GABRA2: variants seen among roughly 807,000 people sequenced by gnomAD.
GABRA2 encodes the protein gamma-aminobutyric acid receptor subunit alpha-2.
In GABRA2, 16 loss-of-function variants were observed where a neutral mutation model predicts 48.7. That is an observed-to-expected ratio of 0.33 (90% CI 0.22 to 0.50). The LOEUF is 0.50. Ranked by LOEUF, GABRA2 falls within the 20% of genes least tolerant of loss-of-function variation. The probability of loss-of-function intolerance (pLI) is 0.98; values close to 1 mark genes in which losing one functional copy is unlikely to be tolerated. For missense variants in GABRA2, 275 were observed against 535.6 expected (o/e 0.51, Z 4.80); for synonymous variants, 185 against 184.5 (o/e 1.00, Z -0.02).
At position 46,310,163 on chromosome 4, in the gene GABRA2, CT is replaced by C. The variant is rs753721079; in HGVS notation, c.559+9del. 6.2e-7 allele frequency: 1 copy of C among 1,605,282 alleles called. No homozygotes were observed. Among genetic ancestry groups the C allele is most frequent in the Non-Finnish European group, 8.5e-7 (1 of 1,172,330 alleles). On this transcript the variant is annotated intron_variant, in intron 6 of 9. Transcript: ENST00000381620. Reference sequence around the variant, plus strand: ...TGACCCAAAACATGTAACTTCATCCCTGTACTTACAGCTGCCAAATTTCAGA... The same window carrying C: ...TGACCCAAAACATGTAACTTCATCCCGTACTTACAGCTGCCAAATTTCAGA...
chr4:46,303,679 G>T, intron 7 of GABRA2, 67 bp from the exon 8 acceptor site: 1 of 1,389,474 alleles, frequency 7.2e-7, no homozygotes, highest in African/African-American at 1.4e-5. Flanking sequence ...GAAATAGAAG[G>T]GATCAGAGGT....
intron 8 of GABRA2, among the ~76,000 whole-genome samples, chr4:46,265,008 A>ATATATATATATATATATATATATAAAG (rs1717825404): frequency 1.7e-5 from 1 of 58,000 alleles, no homozygotes; most frequent in Non-Finnish European, 4.1e-5. Flanking sequence ...TATATGTATA[A>ATATATATATATATATATATATATAAAG]AGAGAGAGAG....
chr4:46,374,375 A>G (rs1304501935), intron 3 of GABRA2, among the ~76,000 whole-genome samples: 1 of 152,140 alleles, frequency 6.6e-6, no homozygotes, highest in Non-Finnish European at 1.5e-5. Flanking sequence ...ACCTAATTCT[A>G]AAAGCATCTG....
rs1366550228 is a variant in GABRA2 at position 46,378,064 on chromosome 4, G to A, written c.187+8010C>T. Among the ~76,000 whole-genome samples, 6 of 151,776 alleles carry A rather than the reference G, an allele frequency of 4.0e-5. No homozygotes were observed. In the East Asian group the frequency reaches 5.9e-4, roughly 15 times the overall value. ...GTTCAGCCCCCCCACCCGGCCAGCC[G>A]CCCCATCAGGGAGGTGAGGGGCGCC... On this transcript the variant is annotated intron_variant, in intron 3 of 9. Transcript: ENST00000381620.
chr4:46,294,923 T>C (rs1013680981), intron 8 of GABRA2, among the ~76,000 whole-genome samples: 11 of 152,174 alleles, frequency 7.2e-5, no homozygotes, highest in Admixed American at 2.0e-4. Context: ...ATGGAAGTGA[T>C]ATGCATGTGA....
chr4:46,361,565 G>A (rs575887642), intron 3 of GABRA2, among the ~76,000 whole-genome samples: 67 of 152,358 alleles, frequency 4.4e-4, no homozygotes, highest in African/African-American at 1.4e-3. Context: ...CAATGAGGAA[G>A]GGAAATGTAG....
chr4:46,316,305 A>C (rs1394253378), intron 4 of GABRA2, among the ~76,000 whole-genome samples: 1 of 152,050 alleles, frequency 6.6e-6, no homozygotes, highest in East Asian at 1.9e-4. Flanking sequence ...AGTGTTAGTC[A>C]ATAAACATTT....
intron 8 of GABRA2, among the ~76,000 whole-genome samples, chr4:46,273,291 A>G (rs1209667451): frequency 6.6e-6 from 1 of 150,598 alleles, no homozygotes; most frequent in Non-Finnish European, 1.5e-5. Flanking sequence ...AGATTTCTGG[A>G]TATGTGGTTT....
At position 46,319,075 on chromosome 4, in the gene GABRA2, C is replaced by T. The variant is rs1036145684; in HGVS notation, c.256-6359G>A. 4.6e-5 allele frequency among the ~76,000 whole-genome samples: 7 copies of T among 151,836 alleles called. No individual in the cohort carries two copies. In the East Asian group the frequency reaches 1.2e-3, roughly 25 times the overall value. On this transcript the variant is annotated intron_variant, in intron 4 of 9. Transcript: ENST00000381620. ...TAAAAATCTCCATTTACAGTAAACT[C>T]CTTAAGTGTTATATCCATAATTTGT...
At chr4:46,328,407 T>C (rs1730767510) in intron 4 of GABRA2, among the ~76,000 whole-genome samples, 1 of 150,978 alleles carries the variant, frequency 6.6e-6, no homozygotes, top group African/African-American at 2.5e-5. Flanking sequence ...ATCACTGACC[T>C]GAATAAGAGA....
chr4:46,390,047 G>T lies in GABRA2; in HGVS notation c.-323C>A. On this transcript the variant is annotated 5_prime_UTR_variant, in exon 1 of 10. Transcript: ENST00000381620. ...GAGGAGGGGGAAAACGATGACAGGAGCTGGGGCCGGGGGGGGAAATTGGGG... is the reference window on the plus strand; with the variant it reads ...GAGGAGGGGGAAAACGATGACAGGATCTGGGGCCGGGGGGGGAAATTGGGG... 1 of 200,198 alleles carries T rather than the reference G, an allele frequency of 5.0e-6. No homozygotes were observed. Among genetic ancestry groups the T allele is most frequent in the Non-Finnish European group, 7.5e-6 (1 of 133,652 alleles). 12.4% of individuals were successfully genotyped at this position (200,198 alleles called of 1,614,324 possible). A position where few individuals can be genotyped will look rare whatever the true frequency, so the allele number is the denominator to read the frequency against.
Position 46,305,608 on chromosome 4 carries a change from C to T in GABRA2, c.663G>A (p.Leu221=). The T allele has an allele frequency of 1.2e-6, 2 of 1,613,934 alleles. No individual in the cohort carries two copies. The highest frequency in any genetic ancestry group is 1.7e-6 in the Non-Finnish European group (2 of 1,179,908). ...DGSRLNQYDL[L]GQSIGKETIK... ...TTGTCTCCTTTCCGATTGATTGGCC[C>T]AGCAGGTCATATTGATTTAACCTAG... The change falls in exon 7 of 10, where the codon CTG becomes CTA. Residue 221 remains leucine (L), a synonymous_variant. Transcript: ENST00000381620.
chr4:46,269,875 G>A (rs1049072143), intron 8 of GABRA2, among the ~76,000 whole-genome samples: 1 of 151,796 alleles, frequency 6.6e-6, no homozygotes, highest in Middle Eastern at 3.2e-3. Flanking sequence ...AAACTGCTTT[G>A]CTTTTGTGAT....
chr4:46,271,779 C>T (rs1219211043), intron 8 of GABRA2, among the ~76,000 whole-genome samples: 1 of 151,784 alleles, frequency 6.6e-6, no homozygotes, highest in Non-Finnish European at 1.5e-5. Context: ...ATCCAAAACT[C>T]GTATCCCTCT....
intron 3 of GABRA2, chr4:46,363,610 T>G (rs530227592): frequency 6.6e-6 from 1 of 152,320 alleles, no homozygotes; most frequent in South Asian, 2.1e-4. Context: ...AACTTTATTA[T>G]ATAAAATCTA....
In GABRA2 at chr4:46,301,423, A is replaced by T. The variant is rs142724175; in HGVS notation, c.856+2037T>A. Reference sequence around the variant, plus strand: ...GTCCAAAACACCATAGTGACTTGCTATAACCCGTTAAGATAAAAGTACATT... The same window carrying T: ...GTCCAAAACACCATAGTGACTTGCTTTAACCCGTTAAGATAAAAGTACATT... On this transcript the variant is annotated intron_variant, in intron 8 of 9. Coordinates refer to ENST00000381620, the MANE Select transcript of GABRA2 (RefSeq NM_000807.4). 4.1e-3 allele frequency among the ~76,000 whole-genome samples: 631 copies of T among 152,318 alleles called. 1 individual carries two copies. The highest frequency in any genetic ancestry group is 7.7e-3 in the Non-Finnish European group (523 of 68,020).
intron 8 of GABRA2, among the ~76,000 whole-genome samples, chr4:46,294,895 G>A (rs1348246969): frequency 1.3e-5 from 2 of 152,208 alleles, no homozygotes; most frequent in Non-Finnish European, 1.5e-5. Flanking sequence ...GTCATGCACA[G>A]CAGCACTCGA....
intron 3 of GABRA2, among the ~76,000 whole-genome samples, chr4:46,355,012 A>G (rs373080160): frequency 4.6e-5 from 7 of 152,272 alleles, no homozygotes; most frequent in African/African-American, 1.7e-4. Context: ...CAGACCTCAC[A>G]GGCAGCCATG....
At chr4:46,292,282 TGA>T (rs1196965507) in intron 8 of GABRA2, among the ~76,000 whole-genome samples, 1 of 152,158 alleles carries the variant, frequency 6.6e-6, no homozygotes, top group African/African-American at 2.4e-5. Flanking sequence ...TTGCCCTGAG[TGA>T]GAGTCTTATC....
Sources: allele counts gnomAD v4.1 joint callset (sites outside exome capture counted in the v4.1 genomes callset), GRCh38; gene constraint gnomAD v4.1.1; transcripts MANE v1.5; gene names NCBI Gene and HGNC (gene_info 2026-07-23, HGNC 2026-07-21).